TMEM178B: variants seen among roughly 807,000 people sequenced by gnomAD.
TMEM178B encodes transmembrane protein 178B.
In TMEM178B, 5 loss-of-function variants were observed where a neutral mutation model predicts 31.0. The observed-to-expected ratio is 0.16, with a 90% CI of 0.08 to 0.34. TMEM178B has a LOEUF of 0.34. Among genes scored for constraint, TMEM178B ranks in the 10% least tolerant of loss-of-function variants. TMEM178B has a pLI of 1.00. For missense variants in TMEM178B, 275 were observed against 400.3 expected (o/e 0.69, Z 2.67); for synonymous variants, 164 against 164.0 (o/e 1.00, Z 0.00).
chr7:141,372,460 T>C lies in TMEM178B; in HGVS notation c.497-65148T>C, dbSNP rs146701833. On this transcript the variant is annotated intron_variant, in intron 2 of 3. Transcript: ENST00000565468. ...CACCTCCTTCAGGTCTTTACTCAAA[T>C]GTTACCTTCTCAGTGGGACTGCCTT... Among the ~76,000 whole-genome samples, 252 of 152,288 alleles carry C rather than the reference T, an allele frequency of 1.7e-3. 1 individual carries two copies. The highest frequency in any genetic ancestry group is 6.6e-3 in the South Asian group (32 of 4,818).
At chr7:141,353,730 C>G (rs1195897220) in intron 2 of TMEM178B, among the ~76,000 whole-genome samples, 1 of 152,182 alleles carries the variant, frequency 6.6e-6, no homozygotes, top group Admixed American at 6.5e-5. Flanking sequence ...TCTCTGTAAC[C>G]TTCTTTAAGA....
intron 2 of TMEM178B, among the ~76,000 whole-genome samples, chr7:141,260,078 G>C (rs1222857068): frequency 1.3e-5 from 2 of 152,008 alleles, no homozygotes; most frequent in Non-Finnish European, 2.9e-5. Context: ...GGATCTCTTT[G>C]TTGTATGTCT....
intron 2 of TMEM178B, among the ~76,000 whole-genome samples, chr7:141,386,899 T>G (rs6955319): frequency 6.6e-6 from 1 of 152,062 alleles, no homozygotes; most frequent in African/African-American, 2.4e-5. Flanking sequence ...TCTGATGCAC[T>G]ATCAGTAACT....
intron 2 of TMEM178B, among the ~76,000 whole-genome samples, chr7:141,220,938 A>T (rs372949034): frequency 7.9e-5 from 12 of 152,310 alleles, no homozygotes; most frequent in African/African-American, 2.9e-4. Context: ...ATTGGATGAT[A>T]TATTTCCAGG....
intron 1 of TMEM178B, among the ~76,000 whole-genome samples, chr7:141,178,615 G>A (rs147823773): frequency 5.3e-5 from 8 of 152,274 alleles, no homozygotes; most frequent in African/African-American, 7.2e-5. Flanking sequence ...AAAGTGATAC[G>A]TTGGTGATAC....
chr7:141,353,997 A>G (rs1486334661), intron 2 of TMEM178B, among the ~76,000 whole-genome samples: 1 of 152,250 alleles, frequency 6.6e-6, no homozygotes, highest in East Asian at 1.9e-4. Flanking sequence ...TAGCTAAACA[A>G]GAATAAACCT....
intron 1 of TMEM178B, among the ~76,000 whole-genome samples, chr7:141,109,968 A>AT (rs1475898801): frequency 6.6e-6 from 1 of 152,210 alleles, no homozygotes; most frequent in Admixed American, 6.5e-5. Flanking sequence ...CTAAAAAAAA[A>AT]AGACTCTTAA....
chr7:141,135,167 G>A (rs1795656548), intron 1 of TMEM178B, among the ~76,000 whole-genome samples: 1 of 152,160 alleles, frequency 6.6e-6, no homozygotes, highest in Non-Finnish European at 1.5e-5. Flanking sequence ...TATCAATTCA[G>A]CAAGAAGATA....
At chr7:141,501,005 T>C in the TMEM178B span, among the ~76,000 whole-genome samples, 1 of 152,150 alleles carries the variant, frequency 6.6e-6, no homozygotes, top group Non-Finnish European at 1.5e-5. Flanking sequence ...ATTTTATCCG[T>C]GTTGAAAATA....
At chr7:141,289,288 G>T (rs1472596986) in intron 2 of TMEM178B, among the ~76,000 whole-genome samples, 1 of 152,134 alleles carries the variant, frequency 6.6e-6, no homozygotes, top group Non-Finnish European at 1.5e-5. Context: ...CCTTATGCAG[G>T]TTACTTACAG....
intron 2 of TMEM178B, among the ~76,000 whole-genome samples, chr7:141,322,669 C>T (rs1799121638): frequency 6.6e-6 from 1 of 152,130 alleles, no homozygotes; most frequent in African/African-American, 2.4e-5. Flanking sequence ...TGGGACGTGT[C>T]GAGAACAAAG....
At chr7:141,191,720 C>G (rs144171471) in intron 1 of TMEM178B, among the ~76,000 whole-genome samples, 179 of 152,206 alleles carry the variant, frequency 1.2e-3, no homozygotes, top group East Asian at 6.8e-3. Flanking sequence ...GTTGTAGGTG[C>G]TTTTTTAATC....
intron 2 of TMEM178B, among the ~76,000 whole-genome samples, chr7:141,387,258 A>G (rs558116794): frequency 7.2e-5 from 11 of 152,196 alleles, no homozygotes; most frequent in South Asian, 2.1e-4. Context: ...AGCATGTACT[A>G]TGTGTCAGAC....
At chr7:141,081,347 A>G (rs1167301033) in intron 1 of TMEM178B, among the ~76,000 whole-genome samples, 2 of 152,194 alleles carry the variant, frequency 1.3e-5, no homozygotes, top group Non-Finnish European at 2.9e-5. Context: ...AAGGATATAA[A>G]GAAAGAGCCT....
At chr7:141,487,884 G>T in the TMEM178B span, among the ~76,000 whole-genome samples, 1 of 150,832 alleles carries the variant, frequency 6.6e-6, no homozygotes, top group Non-Finnish European at 1.5e-5. Flanking sequence ...AACTTTTCTT[G>T]TTCTGCGTGC....
intron 2 of TMEM178B, among the ~76,000 whole-genome samples, chr7:141,303,914 C>T (rs1398796197): frequency 3.3e-5 from 5 of 152,118 alleles, no homozygotes; most frequent in African/African-American, 7.2e-5. Flanking sequence ...AACTCTATGA[C>T]GTATGGGTGT....
At chr7:141,231,773 T>C (rs1179603970) in intron 2 of TMEM178B, among the ~76,000 whole-genome samples, 2 of 152,218 alleles carry the variant, frequency 1.3e-5, no homozygotes, top group South Asian at 2.1e-4. Context: ...CTAGGCAGCA[T>C]TGCTTTTTCT....
chr7:141,292,128 G>A lies in TMEM178B; in HGVS notation c.496+79424G>A, dbSNP rs149546432. On this transcript the variant is annotated intron_variant, in intron 2 of 3. Transcript: ENST00000565468. ...ACCTCCTGCCCCATGACTGCAGGTC[G>A]CTAATGTTTCCTTCCACCTGTGTGA... is the stretch of plus-strand genomic sequence containing the variant. 2.6e-3 allele frequency among the ~76,000 whole-genome samples: 391 copies of A among 152,226 alleles called. 5 individuals are homozygous for A. The highest frequency in any genetic ancestry group is 8.7e-3 in the African/African-American group (363 of 41,548).
the TMEM178B span, among the ~76,000 whole-genome samples, chr7:141,500,123 C>T: frequency 6.6e-6 from 1 of 152,122 alleles, no homozygotes; most frequent in Admixed American, 6.5e-5. Context: ...AACGATAACA[C>T]ATTTTTTAAA....
Sources: gnomAD v4.1 joint callset for allele counts (sites outside exome capture counted in the v4.1 genomes callset) on GRCh38, gnomAD v4.1.1 for gene constraint, MANE v1.5 for transcripts, NCBI Gene and HGNC (gene_info 2026-07-23, HGNC 2026-07-21) for gene names.